Variants in SIGLEC15 observed in about 807,000 individuals in gnomAD.
The protein encoded by SIGLEC15 is sialic acid binding Ig like lectin 15.
In SIGLEC15, 31 loss-of-function variants were observed where a neutral mutation model predicts 26.2. That is an observed-to-expected ratio of 1.18 (90% confidence interval 0.89 to 1.60). The LOEUF (loss-of-function observed/expected upper bound fraction) is 1.60, where lower values mean the gene tolerates loss of function less well. Among genes scored for constraint, SIGLEC15 ranks in the 40% most tolerant of loss-of-function variants. SIGLEC15 has a pLI of 0.00. For synonymous variants in SIGLEC15, 207 were observed against 221.9 expected, an observed-to-expected ratio of 0.93 and a Z score of 0.60; for missense variants, 501 against 488.4, an observed-to-expected ratio of 1.03 and a Z score of -0.24.
In SIGLEC15 at chr18:45,842,440, T is replaced by TGAGAGAGA. The variant is rs141094241; in HGVS notation, c.*254_*255insAGAGAGAG. The TGAGAGAGA allele has an allele frequency of 7.7e-5, 35 of 457,226 alleles. No homozygotes were observed. The highest frequency in any genetic ancestry group is 5.8e-4 in the South Asian group (18 of 31,238). 28.3% of individuals were successfully genotyped at this position (457,226 alleles called of 1,614,324 possible). ...GCATACGTCTGTGTGTGTGTGTGTG[T>TGAGAGAGA]GTGAGAGAGAGAGAGAGAGAGTACA... On this transcript the variant is annotated 3_prime_UTR_variant, in exon 6 of 6. Coordinates refer to ENST00000389474, the MANE Select transcript of SIGLEC15 (RefSeq NM_213602.3).
At chr18:45,826,139 C>T (rs567315230) in intron 1 of SIGLEC15, among the ~76,000 whole-genome samples, 2 of 151,784 alleles carry the variant, frequency 1.3e-5, no homozygotes, top group East Asian at 1.9e-4. Context: ...ACCCAAGTGC[C>T]GTGTGTTTTG....
chr18:45,825,813 C>T (rs536100309), intron 1 of SIGLEC15, 33 bp downstream of exon 1: 19 of 1,613,012 alleles, frequency 1.2e-5, no homozygotes, highest in East Asian at 6.7e-5. Context: ...GGCCCATGCT[C>T]GGGACAGAAT....
chr18:45,836,579 A>G (rs1488336187), intron 1 of SIGLEC15, among the ~76,000 whole-genome samples: 1 of 152,104 alleles, frequency 6.6e-6, no homozygotes, highest in Admixed American at 6.5e-5. Flanking sequence ...CTGCTTCCAG[A>G]CCCTGGCTCA....
chr18:45,839,182 C>T, intron 4 of SIGLEC15, 87 bp downstream of exon 4: 1 of 1,325,106 alleles, frequency 7.5e-7, no homozygotes, highest in Non-Finnish European at 9.6e-7. Context: ...GACCCCCTGG[C>T]ACTGCCAGAA....
intron 4 of SIGLEC15, 136 bp downstream of exon 4, chr18:45,839,231 C>G (rs1256370346): frequency 8.2e-7 from 1 of 1,214,800 alleles, no homozygotes; most frequent in Non-Finnish European, 1.1e-6. Flanking sequence ...GCGCTTTCCT[C>G]TCTTTGCATG....
At chr18:45,837,450 GC>G in intron 2 of SIGLEC15, 62 bp from the exon 3 acceptor site, 6 of 1,417,518 alleles carry the variant, frequency 4.2e-6, no homozygotes, top group Admixed American at 3.2e-5. Flanking sequence ...GGGTTTCCAG[GC>G]CCCGGGTGCG....
In SIGLEC15 at chr18:45,842,151, C is replaced by T; in HGVS notation, c.951C>T (p.Asn317=). The T allele has an allele frequency of 6.2e-7, 1 of 1,614,162 alleles. No homozygotes were observed. Among genetic ancestry groups the T allele is most frequent in the South Asian group, 1.1e-5 (1 of 91,082 alleles). ...ESNYENLSQM[N]PRSPPATMCS... Reference sequence around the variant, plus strand: ...ATTATGAAAATTTGAGCCAGATGAACCCCCGGAGCCCACCAGCCACCATGT... The same window carrying T: ...ATTATGAAAATTTGAGCCAGATGAATCCCCGGAGCCCACCAGCCACCATGT... Residue 317 remains asparagine (N), a synonymous_variant, in exon 6 of 6, where the codon AAC becomes AAT. Transcript: ENST00000389474.
chr18:45,840,344 C>A, intron 5 of SIGLEC15, 103 bp downstream of exon 5: 1 of 1,335,762 alleles, frequency 7.5e-7, no homozygotes, highest in Non-Finnish European at 1.0e-6. Context: ...AGGGCTGGGG[C>A]TGGGGTCCTA....
intron 2 of SIGLEC15, among the ~76,000 whole-genome samples, 178 bp from the exon 3 acceptor site, chr18:45,837,335 C>T (rs1294361470): frequency 6.6e-6 from 1 of 152,192 alleles, no homozygotes; most frequent in Non-Finnish European, 1.5e-5. Flanking sequence ...CAGGAATTGC[C>T]CCTCAAGTCA....
Position 45,837,109 on chromosome 18 carries a change from C to T in SIGLEC15, c.112+21C>T, listed in dbSNP as rs754497647. On this transcript the variant is annotated intron_variant, in intron 2 of 5. Transcript: ENST00000389474. ...GCACAGTAAGTGCTTTTATTATTATCACCATCTCGGGGATCTTGGGAGTCT... is the reference window on the plus strand; with the variant it reads ...GCACAGTAAGTGCTTTTATTATTATTACCATCTCGGGGATCTTGGGAGTCT... The T allele has an allele frequency of 6.2e-6, 10 of 1,612,536 alleles. No homozygotes were observed. The South Asian group carries it at 9.9e-5, about 16-fold the overall frequency.
At position 45,843,810 on chromosome 18, in the gene SIGLEC15, C is replaced by G. The variant is rs1037108271; in HGVS notation, c.*1623C>G. ...AGAAGTATTGCTTGAACCCAGGAGG[C>G]AGAGGTTGCAGTGAGCTGAGATCAC... is the stretch of plus-strand genomic sequence containing the variant. On this transcript the variant is annotated 3_prime_UTR_variant, in exon 6 of 6. Transcript: ENST00000389474. The G allele has an allele frequency of 1.3e-5, 2 of 152,176 alleles. No homozygotes were observed. Among genetic ancestry groups the G allele is most frequent in the African/African-American group, 4.8e-5 (2 of 41,416 alleles). 9.4% of individuals were successfully genotyped at this position (152,176 alleles called of 1,614,324 possible). A position where few individuals can be genotyped will look rare whatever the true frequency, so the allele number is the denominator to read the frequency against.
intron 1 of SIGLEC15, among the ~76,000 whole-genome samples, chr18:45,835,338 C>T (rs1284743022): frequency 6.6e-6 from 1 of 152,112 alleles, no homozygotes; most frequent in Non-Finnish European, 1.5e-5. Flanking sequence ...CTTAAAATGA[C>T]CCTGTATGGT....
intron 1 of SIGLEC15, among the ~76,000 whole-genome samples, chr18:45,836,519 C>G (rs1297614336): frequency 6.6e-6 from 1 of 152,176 alleles, no homozygotes; most frequent in Non-Finnish European, 1.5e-5. Context: ...ACATAGGCAA[C>G]CACACACACC....
intron 1 of SIGLEC15, 99 bp from the exon 2 acceptor site, chr18:45,836,930 T>C (rs1316100411): frequency 1.4e-6 from 1 of 733,616 alleles, no homozygotes; most frequent in African/African-American, 1.7e-5. Context: ...TCCTGAACGC[T>C]GGCTTGGCCT....
Position 45,825,767 on chromosome 18 carries a change from G to A in SIGLEC15, c.39G>A (p.Trp13Ter), listed in dbSNP as rs199664451. The A allele has an allele frequency of 2.3e-5, 37 of 1,614,206 alleles. No homozygotes were observed. In the East Asian group the frequency reaches 7.8e-4, roughly 34 times the overall value. Residue 13 changes from tryptophan to a stop codon, truncating the protein, a stop_gained, in exon 1 of 6, where the codon TGG (tryptophan) becomes TGA (stop). Transcript: ENST00000389474. LOFTEE classifies it high-confidence loss of function. ...TCTGGCTGCTGGCCTGCTTGGCGTG[G>A]GTTCTCCCGACAGGTGAGTGTCTGC... ...KSIWLLACLA[W>*]VLPTGSFVRT...
chr18:45,829,061 TGGGCAGGGGGTGGGG>T, intron 1 of SIGLEC15: 1 of 980,026 alleles, frequency 1.0e-6, no homozygotes, highest in South Asian at 4.7e-5. Context: ...CTATGGAGGC[TGGGCAGGGGGTGGGG>T]GCACCAGCAG....
intron 1 of SIGLEC15, among the ~76,000 whole-genome samples, chr18:45,833,996 CTGTGT>C (rs772159619): frequency 1.2e-4 from 18 of 152,308 alleles, no homozygotes; most frequent in Admixed American, 2.0e-4. Flanking sequence ...CCGCAGAGCA[CTGTGT>C]GCTCTGGCCT....
At chr18:45,836,641 G>A (rs2048278254) in intron 1 of SIGLEC15, among the ~76,000 whole-genome samples, 1 of 152,202 alleles carries the variant, frequency 6.6e-6, no homozygotes, top group East Asian at 1.9e-4. Flanking sequence ...GTTCAGAGGT[G>A]CTTGCACAGA....
chr18:45,827,667 A>G (rs892729421), intron 1 of SIGLEC15, among the ~76,000 whole-genome samples: 4 of 152,172 alleles, frequency 2.6e-5, no homozygotes, highest in East Asian at 3.9e-4. Context: ...GATTCATTAG[A>G]CACTACATCA....
Sources: allele counts gnomAD v4.1 joint callset (sites outside exome capture counted in the v4.1 genomes callset), GRCh38; gene constraint gnomAD v4.1.1; transcripts MANE v1.5; gene names NCBI Gene and HGNC (gene_info 2026-07-23, HGNC 2026-07-21).